The following MCPH1 variants were observed in gnomAD, a reference collection of about 807,000 sequenced individuals.
The protein encoded by MCPH1 is microcephalin 1.
In MCPH1, 104 loss-of-function variants were observed where a neutral mutation model predicts 84.5. The ratio of observed to expected loss-of-function variants is 1.23; its 90% CI spans 1.05 to 1.45. MCPH1 has a LOEUF of 1.45. Among genes scored for constraint, MCPH1 ranks in the 40% most tolerant of loss-of-function variants. The pLI is 0.00. For synonymous variants in MCPH1, 514 were observed against 366.8 expected (o/e 1.40, Z -4.58); for missense variants, 1,498 against 1,005.7 (o/e 1.49, Z -6.62).
rs1804134820 is a variant in MCPH1, at chr8:6,445,241, C to T, written c.1519C>T (p.Leu507=). The part of the protein sequence containing the change: ...SCVTSAPEEA[L]RCCRQAGKED... ...CGTGACTTCTGCCCCTGAAGAAGCCCTAAGGTGTTGTAGACAGGCTGGGAA... is the reference window on the plus strand; with the variant it reads ...CGTGACTTCTGCCCCTGAAGAAGCCTTAAGGTGTTGTAGACAGGCTGGGAA... Residue 507 remains leucine, a synonymous_variant, in exon 8 of 14, where the codon CTA becomes TTA. Transcript: ENST00000344683. The T allele has an allele frequency of 3.1e-6, 5 of 1,614,102 alleles. No individual in the cohort carries two copies. Among genetic ancestry groups the T allele is most frequent in the African/African-American group, 2.7e-5 (2 of 74,918 alleles).
chr8:6,645,314 C>G lies in MCPH1; in HGVS notation c.*2265C>G, dbSNP rs139522649. 5.4e-4 allele frequency: 82 copies of G among 152,220 alleles called. No homozygotes were observed. The highest frequency in any genetic ancestry group is 1.9e-3 in the African/African-American group (80 of 41,524). The allele number at this position is 152,220 out of a possible 1,614,324, so 9.4% of individuals were successfully genotyped here. A position where few individuals can be genotyped will look rare whatever the true frequency, so the allele number is the denominator to read the frequency against. ...GACTGTTGCTAGACATTACACTAAGCACATTATATGTTGTACTTCATTTTA... is the reference window on the plus strand; with the variant it reads ...GACTGTTGCTAGACATTACACTAAGGACATTATATGTTGTACTTCATTTTA... On this transcript the variant is annotated 3_prime_UTR_variant, in exon 14 of 14. Transcript: ENST00000344683.
intron 11 of MCPH1, among the ~76,000 whole-genome samples, chr8:6,491,555 A>G (rs892171648): frequency 2.6e-5 from 4 of 151,608 alleles, no homozygotes; most frequent in African/African-American, 7.3e-5. Flanking sequence ...TGCATGTGCC[A>G]TGCTGGTGTG....
chr8:6,473,603 T>G (rs1380362044), intron 9 of MCPH1, among the ~76,000 whole-genome samples: 1 of 152,150 alleles, frequency 6.6e-6, no homozygotes, highest in Non-Finnish European at 1.5e-5. Context: ...AGGGCTGGGA[T>G]TACAGGCGTG....
intron 12 of MCPH1, among the ~76,000 whole-genome samples, chr8:6,510,622 A>G (rs1393735234): frequency 2.6e-5 from 4 of 152,234 alleles, no homozygotes; most frequent in Non-Finnish European, 2.9e-5. Flanking sequence ...ACTGAGGTTC[A>G]GAGATATAAA....
At chr8:6,420,127 TTTC>T (rs1400081392) in intron 3 of MCPH1, among the ~76,000 whole-genome samples, 1 of 151,682 alleles carries the variant, frequency 6.6e-6, no homozygotes, top group Non-Finnish European at 1.5e-5. Context: ...TTTCTCTTAG[TTTC>T]TTCTTTTTTT....
rs56232325 is a variant in MCPH1, at chr8:6,566,663, C to G, written c.2215-54791C>G. The stretch of plus-strand genomic sequence containing the variant: ...TGGATAGTGCATGTGGTGCGGTGAC[C>G]CTGTGTGATTGGCAAGGCCATGGAT... On this transcript the variant is annotated intron_variant, in intron 12 of 13. Transcript: ENST00000344683. Among the ~76,000 whole-genome samples the G allele has an allele frequency of 1.0e-2, 1,500 of 150,344 alleles. 20 individuals are homozygous for G. The highest frequency in any genetic ancestry group is 0.063 in the South Asian group (295 of 4,686).
chr8:6,493,539 A>T (rs1810894884), intron 11 of MCPH1, among the ~76,000 whole-genome samples: 1 of 152,188 alleles, frequency 6.6e-6, no homozygotes, highest in Non-Finnish European at 1.5e-5. Flanking sequence ...TGTGTTAGAT[A>T]TTTAGCTTCC....
chr8:6,630,852 T>A (rs1339320372), intron 13 of MCPH1, among the ~76,000 whole-genome samples: 1 of 151,532 alleles, frequency 6.6e-6, no homozygotes, highest in Non-Finnish European at 1.5e-5. Flanking sequence ...AAGTAACAAT[T>A]TGAAAAAGTC....
chr8:6,647,243 A>G lies in MCPH1; in HGVS notation c.*4194A>G, dbSNP rs1798257226. 6.6e-6 allele frequency: 1 copy of G among 152,242 alleles called. No individual in the cohort carries two copies. The allele number at this position is 152,242 out of a possible 1,614,324, so 9.4% of individuals were successfully genotyped here. ...ATGAAATACCTATTACACACCCATT[A>G]GAATGACTGTAAACAACAAGACTGA... On this transcript the variant is annotated 3_prime_UTR_variant, in exon 14 of 14. Transcript: ENST00000344683.
intron 12 of MCPH1, among the ~76,000 whole-genome samples, chr8:6,592,641 T>TTTTTTTTTTTTTTTTG (rs1238168977): frequency 2.7e-4 from 29 of 107,418 alleles, no homozygotes; most frequent in Admixed American, 4.3e-4. Context: ...TTTTTTTTTT[T>TTTTTTTTTTTTTTTTG]TTGTTGCTGT....
At chr8:6,501,129 G>C (rs1812097263) in intron 12 of MCPH1, 1 of 152,182 alleles carries the variant, frequency 6.6e-6, no homozygotes, top group Admixed American at 6.5e-5. Context: ...TTCTTAACTA[G>C]TTAAATAGTT....
intron 12 of MCPH1, among the ~76,000 whole-genome samples, chr8:6,608,943 G>A (rs564979272): frequency 2.2e-4 from 34 of 152,274 alleles, no homozygotes; most frequent in African/African-American, 7.7e-4. Flanking sequence ...CTTCCCAGGC[G>A]ATGAGAATGC....
intron 12 of MCPH1, among the ~76,000 whole-genome samples, chr8:6,543,344 C>T (rs1158723747): frequency 6.6e-6 from 1 of 152,158 alleles, no homozygotes; most frequent in East Asian, 1.9e-4. Flanking sequence ...TGGGTGATGG[C>T]TCTCCAACGA....
chr8:6,611,976 C>T (rs1479661128), intron 12 of MCPH1, among the ~76,000 whole-genome samples: 3 of 152,134 alleles, frequency 2.0e-5, no homozygotes, highest in African/African-American at 4.8e-5. Context: ...AATCATTGGC[C>T]ATTGAGTGAA....
chr8:6,617,935 C>CTATCTATCTATCTATA (rs1488433326), intron 12 of MCPH1, among the ~76,000 whole-genome samples: 1 of 151,940 alleles, frequency 6.6e-6, no homozygotes, highest in African/African-American at 2.4e-5. Context: ...ATCTATCTAT[C>CTATCTATCTATCTATA]TATCTATCTT....
Position 6,436,146 on chromosome 8 carries a change from G to A in MCPH1, c.420G>A (p.Arg140=). ...AGAAAATGGCTAAAGAGCTACAAAG[G>A]CAAAAAACAAATCTAGGTAAGCTAA... The part of the protein sequence containing the change: ...KFEKMAKELQ[R]QKTNLDDDVP... The change falls in exon 5 of 14, where the codon AGG becomes AGA. Residue 140 remains arginine (R), a synonymous_variant. Transcript: ENST00000344683. 1.2e-6 allele frequency: 2 copies of A among 1,612,964 alleles called. No homozygotes were observed. The highest frequency in any genetic ancestry group is 1.7e-6 in the Non-Finnish European group (2 of 1,179,522).
intron 3 of MCPH1, among the ~76,000 whole-genome samples, chr8:6,423,573 A>C (rs1012600734): frequency 1.3e-5 from 2 of 152,138 alleles, no homozygotes; most frequent in Non-Finnish European, 2.9e-5. Context: ...CCAGTAATTT[A>C]TGTAAGCAGT....
At chr8:6,504,089 T>C (rs1055252854) in intron 12 of MCPH1, among the ~76,000 whole-genome samples, 2 of 151,804 alleles carry the variant, frequency 1.3e-5, no homozygotes, top group Admixed American at 6.6e-5. Context: ...GAGGCCGAGG[T>C]GGGTGGATCA....
In MCPH1 at chr8:6,480,843, T is replaced by C. The variant is rs2129559814; in HGVS notation, c.2103T>C (p.Ile701=). The C allele has an allele frequency of 6.2e-7, 1 of 1,614,222 alleles. No homozygotes were observed. Among genetic ancestry groups the C allele is most frequent in the South Asian group, 1.1e-5 (1 of 91,090 alleles). ...GCACCCTGAATGTGCTGCTGGGAAT[T>C]GCGCGTGGCTGCTGGGTTCTCTCTT... ...PLRTLNVLLG[I]ARGCWVLSYD... The change falls in exon 11 of 14, where the codon ATT becomes ATC. Residue 701 remains isoleucine, a synonymous_variant. Transcript: ENST00000344683.
Sources: gnomAD v4.1 joint callset for allele counts (sites outside exome capture counted in the v4.1 genomes callset) on GRCh38, gnomAD v4.1.1 for gene constraint, MANE v1.5 for transcripts, NCBI Gene and HGNC (gene_info 2026-07-23, HGNC 2026-07-21) for gene names.